Variants in HACE1 observed in about 807,000 individuals in gnomAD.
The protein encoded by HACE1 is HECT domain and ankyrin repeat containing E3 ubiquitin protein ligase 1.
HACE1 carries 73 observed loss-of-function variants against 118.4 expected under a neutral mutation model. The ratio of observed to expected loss-of-function variants is 0.62; its 90% CI spans 0.51 to 0.75. The LOEUF is 0.75. HACE1 is among the 30% of genes least tolerant of loss of function. The probability of loss-of-function intolerance (pLI) is 0.00; values close to 1 mark genes in which losing one functional copy is unlikely to be tolerated. For synonymous variants in HACE1, 368 were observed against 374.8 expected (o/e 0.98, Z 0.21); for missense variants, 749 against 1,102.2 (o/e 0.68, Z 4.54).
Position 104,852,305 on chromosome 6 carries a change from A to G in HACE1, c.131+12T>C. The stretch of plus-strand genomic sequence containing the variant: ...TTCTTAAAAAGCAAAAATTTTTGGA[A>G]CAAGCACTCACCTGTGTTGATCAGC... On this transcript the variant is annotated intron_variant, in intron 2 of 23. Coordinates refer to ENST00000262903, the MANE Select transcript of HACE1 (RefSeq NM_020771.4). 6.2e-7 allele frequency: 1 copy of G among 1,603,990 alleles called. No homozygotes were observed.
chr6:104,807,208 G>C (rs1475668673), intron 7 of HACE1, among the ~76,000 whole-genome samples: 1 of 151,930 alleles, frequency 6.6e-6, no homozygotes, highest in Non-Finnish European at 1.5e-5. Flanking sequence ...ATTTTTAGTA[G>C]AGACGGGGTT....
intron 7 of HACE1, among the ~76,000 whole-genome samples, chr6:104,799,615 G>A (rs1040990766): frequency 6.6e-6 from 1 of 152,196 alleles, no homozygotes; most frequent in Non-Finnish European, 1.5e-5. Flanking sequence ...GAGATGAACA[G>A]TTACATGGCA....
chr6:104,783,954 T>TA (rs1782046713), intron 14 of HACE1, 132 bp downstream of exon 14: 1 of 670,844 alleles, frequency 1.5e-6, no homozygotes, highest in Non-Finnish European at 2.7e-6. Flanking sequence ...TTACTCCTCA[T>TA]ATTAAAGTAA....
chr6:104,823,894 A>C, intron 6 of HACE1, among the ~76,000 whole-genome samples: 1 of 152,222 alleles, frequency 6.6e-6, no homozygotes, highest in East Asian at 1.9e-4. Flanking sequence ...AGTCACAGAC[A>C]ACCTGAATCA....
At chr6:104,853,773 G>A (rs919815404) in intron 1 of HACE1, among the ~76,000 whole-genome samples, 2 of 152,000 alleles carry the variant, frequency 1.3e-5, no homozygotes, top group African/African-American at 2.4e-5. Flanking sequence ...CACTGAAAGG[G>A]GACACATCAC....
intron 22 of HACE1, among the ~76,000 whole-genome samples, chr6:104,737,369 C>T (rs927115433): frequency 3.2e-4 from 48 of 151,368 alleles, no homozygotes; most frequent in African/African-American, 1.1e-3. Flanking sequence ...CAGCTCCCAG[C>T]GTGAGCCACG....
At chr6:104,797,961 G>A (rs1769862510) in intron 7 of HACE1, among the ~76,000 whole-genome samples, 1 of 151,766 alleles carries the variant, frequency 6.6e-6, no homozygotes, top group Non-Finnish European at 1.5e-5. Flanking sequence ...CCAGCTACTT[G>A]GGAGGCTAAG....
At chr6:104,797,377 T>C (rs553028468) in intron 7 of HACE1, among the ~76,000 whole-genome samples, 1 of 152,042 alleles carries the variant, frequency 6.6e-6, no homozygotes, top group South Asian at 2.1e-4. Flanking sequence ...ATTTGCAACT[T>C]TAGCCTGACC....
chr6:104,827,742 T>C (rs994749120), intron 6 of HACE1, among the ~76,000 whole-genome samples: 4 of 152,130 alleles, frequency 2.6e-5, no homozygotes, highest in South Asian at 2.1e-4. Context: ...ATGAAAAACT[T>C]GGAAGCTGGC....
intron 22 of HACE1, among the ~76,000 whole-genome samples, chr6:104,735,622 C>T (rs1034629860): frequency 6.6e-6 from 1 of 151,280 alleles, no homozygotes. Flanking sequence ...CAGAGCGAGA[C>T]TCCGTCTCAA....
intron 3 of HACE1, 59 bp downstream of exon 3, chr6:104,850,848 C>G: frequency 9.7e-7 from 1 of 1,031,582 alleles, no homozygotes; most frequent in Non-Finnish European, 1.5e-6. Context: ...TAATGCTGTT[C>G]AAAGCTTACT....
chr6:104,852,233 G>GTGCA (rs1562514915), intron 2 of HACE1, 84 bp downstream of exon 2: 11 of 779,984 alleles, frequency 1.4e-5, no homozygotes, highest in Non-Finnish European at 2.6e-5. Flanking sequence ...GTGTGTGCGC[G>GTGCA]CGTGCGCGTG....
intron 6 of HACE1, among the ~76,000 whole-genome samples, chr6:104,832,651 A>G (rs1774126380): frequency 6.6e-6 from 1 of 152,086 alleles, no homozygotes; most frequent in Admixed American, 6.6e-5. Flanking sequence ...TCAGCCTCCC[A>G]AAGTGCTGGG....
chr6:104,747,871 G>C (rs897740447), intron 20 of HACE1, among the ~76,000 whole-genome samples: 1 of 152,010 alleles, frequency 6.6e-6, no homozygotes. Flanking sequence ...TCCCAAATGT[G>C]AATCAGCTCA....
intron 19 of HACE1, among the ~76,000 whole-genome samples, chr6:104,769,287 A>G (rs111412865): frequency 0.019 from 2,845 of 152,242 alleles, 49 homozygotes; most frequent in Non-Finnish European, 0.031. Context: ...CCCCTGCCTT[A>G]GTCTCCCAAA....
Position 104,843,500 on chromosome 6 carries a change from A to G in HACE1, c.327-202T>C, listed in dbSNP as rs1034712203. ...AAACTGCTTCTATGACTCAAAGATA[A>G]CAGGATAAAACAATGACACAGTCAG... On this transcript the variant is annotated intron_variant, in intron 4 of 23. Transcript: ENST00000262903. Among the ~76,000 whole-genome samples the G allele has an allele frequency of 3.9e-5, 6 of 152,374 alleles. No individual in the cohort carries two copies. In the East Asian group the frequency reaches 1.2e-3, roughly 29 times the overall value.
At position 104,859,865 on chromosome 6, in the gene HACE1, GC is replaced by G; in HGVS notation, c.-224del. The G allele has an allele frequency of 2.0e-6, 1 of 498,180 alleles. No individual in the cohort carries two copies. Among genetic ancestry groups the G allele is most frequent in the Non-Finnish European group, 3.5e-6 (1 of 284,018 alleles). 30.9% of individuals were successfully genotyped at this position (498,180 alleles called of 1,614,324 possible). On this transcript the variant is annotated 5_prime_UTR_variant, in exon 1 of 24. Transcript: ENST00000262903. ...AGTACACCCGCCGCCGCCTCTGCTC[GC>G]GCCTTTCCTGCAGCCCCCGCCGCCG...
intron 3 of HACE1, 48 bp from the exon 4 acceptor site, chr6:104,849,294 T>C (rs756055603): frequency 2.9e-6 from 3 of 1,046,120 alleles, no homozygotes; most frequent in African/African-American, 1.6e-5. Context: ...CATACAGCCA[T>C]ACTTGATGTA....
chr6:104,859,307 T>A lies in HACE1; in HGVS notation c.76+260A>T, dbSNP rs1777064808. On this transcript the variant is annotated intron_variant, in intron 1 of 23. Transcript: ENST00000262903. ...GCCAAGACCCCTAATCGACAGACGT[T>A]GCGAGACCTTTGTCTCGCTCCTCCC... The A allele has an allele frequency of 1.3e-5, 6 of 463,348 alleles. No individual in the cohort carries two copies. In the South Asian group the frequency reaches 1.7e-4, roughly 13 times the overall value. The allele number at this position is 463,348 out of a possible 1,614,324, so 28.7% of individuals were successfully genotyped here. A position where few individuals can be genotyped will look rare whatever the true frequency, so the allele number is the denominator to read the frequency against.
Sources: gnomAD v4.1 joint callset for allele counts (sites outside exome capture counted in the v4.1 genomes callset) on GRCh38, gnomAD v4.1.1 for gene constraint, MANE v1.5 for transcripts, NCBI Gene and HGNC (gene_info 2026-07-23, HGNC 2026-07-21) for gene names.